The following CACNB4 variants were observed in gnomAD, a reference collection of about 807,000 sequenced individuals.
CACNB4 encodes voltage-dependent L-type calcium channel subunit beta-4.
A neutral mutation model predicts 71.2 loss-of-function variants in CACNB4; 32 were observed. The observed-to-expected ratio is 0.45, with a 90% CI of 0.34 to 0.60. The LOEUF is 0.60. Among genes scored for constraint, CACNB4 ranks in the 20% least tolerant of loss-of-function variants. CACNB4 has a pLI of 0.01. For synonymous variants in CACNB4, 231 were observed against 236.9 expected, an observed-to-expected ratio of 0.97 and a Z score of 0.23; for missense variants, 464 against 647.9, an observed-to-expected ratio of 0.72 and a Z score of 3.08.
At chr2:151,882,477 G>A (rs914429253) in intron 3 of CACNB4, among the ~76,000 whole-genome samples, 1 of 152,016 alleles carries the variant, frequency 6.6e-6, no homozygotes, top group Non-Finnish European at 1.5e-5. Context: ...AGTCTGTCAC[G>A]TAGGGCAAAG....
At chr2:152,067,330 C>T (rs1686393521) in intron 2 of CACNB4, among the ~76,000 whole-genome samples, 1 of 150,966 alleles carries the variant, frequency 6.6e-6, no homozygotes, top group South Asian at 2.1e-4. Context: ...CCAGTATTCT[C>T]AGCAGTGGTC....
At chr2:151,882,862 G>A in intron 3 of CACNB4, 1 of 278,716 alleles carries the variant, frequency 3.6e-6, no homozygotes, top group Non-Finnish European at 7.0e-6. Context: ...GAAACAAACA[G>A]GGCGATCCAC....
At position 151,848,050 on chromosome 2, in the gene CACNB4, A is replaced by G. The variant is rs191194393; in HGVS notation, c.1116+5398T>C. The stretch of plus-strand genomic sequence containing the variant: ...TGTGACACTTGATGTGAACCCAAAC[A>G]TGTTTTCCTCCCCACGCCCCTCCAT... On this transcript the variant is annotated intron_variant, in intron 12 of 13. Transcript: ENST00000539935. 3.3e-5 allele frequency among the ~76,000 whole-genome samples: 5 copies of G among 152,258 alleles called. No individual in the cohort carries two copies. In the East Asian group the frequency reaches 7.7e-4, roughly 23 times the overall value.
intron 4 of CACNB4, among the ~76,000 whole-genome samples, chr2:151,878,628 A>ATTAGCTAGTGTAGTG (rs58966024): frequency 0.92 from 138,969 of 151,596 alleles, 64,974 homozygotes; most frequent in East Asian, 1. Context: ...GTACTACACA[A>ATTAGCTAGTGTAGTG]TACTACACCA....
chr2:152,097,851 C>G (rs1688356223), intron 2 of CACNB4, among the ~76,000 whole-genome samples: 2 of 152,310 alleles, frequency 1.3e-5, no homozygotes, highest in South Asian at 4.1e-4. Flanking sequence ...TTTCTTTTGA[C>G]CGGAGCTTGA....
intron 2 of CACNB4, among the ~76,000 whole-genome samples, chr2:151,978,954 G>A (rs1242228816): frequency 6.6e-6 from 1 of 151,990 alleles, no homozygotes; most frequent in Non-Finnish European, 1.5e-5. Context: ...CCTAGTGACA[G>A]CACCCCCGCC....
intron 2 of CACNB4, among the ~76,000 whole-genome samples, chr2:152,057,135 T>G (rs977455418): frequency 6.6e-6 from 1 of 152,184 alleles, no homozygotes; most frequent in Non-Finnish European, 1.5e-5. Flanking sequence ...TGGAGGTCCA[T>G]GTATTAATAG....
chr2:152,070,338 C>A (rs187443454), intron 2 of CACNB4, among the ~76,000 whole-genome samples: 6 of 152,242 alleles, frequency 3.9e-5, no homozygotes, highest in Admixed American at 1.3e-4. Context: ...TTTAAAATAT[C>A]TTTTCATGCT....
chr2:152,053,431 C>A (rs978881280), intron 2 of CACNB4, among the ~76,000 whole-genome samples: 1 of 152,194 alleles, frequency 6.6e-6, no homozygotes, highest in Non-Finnish European at 1.5e-5. Flanking sequence ...CCCACCCATC[C>A]AACTAGCTGT....
In CACNB4 at chr2:152,038,907, G is replaced by A. The variant is rs141174048; in HGVS notation, c.147+59423C>T. Among the ~76,000 whole-genome samples the A allele has an allele frequency of 3.4e-3, 523 of 152,282 alleles. 6 individuals carry two copies. Among genetic ancestry groups the A allele is most frequent in the African/African-American group, 0.012 (506 of 41,554 alleles). On this transcript the variant is annotated intron_variant, in intron 2 of 13. Coordinates refer to ENST00000539935, the MANE Select transcript of CACNB4 (RefSeq NM_000726.5). ...GTATGTCCCCACCCCAAGAGGGTGTGACACTTCCTCATGTTCCCTGCTGGC... is the reference window on the plus strand; with the variant it reads ...GTATGTCCCCACCCCAAGAGGGTGTAACACTTCCTCATGTTCCCTGCTGGC...
chr2:151,841,021 T>A (rs1026988539), intron 13 of CACNB4, among the ~76,000 whole-genome samples: 6 of 152,186 alleles, frequency 3.9e-5, no homozygotes, highest in Non-Finnish European at 8.8e-5. Context: ...TGATCCTGTG[T>A]TCGTCACCAG....
intron 2 of CACNB4, among the ~76,000 whole-genome samples, chr2:152,022,998 G>A (rs569092626): frequency 2.0e-5 from 3 of 152,190 alleles, no homozygotes; most frequent in Admixed American, 1.3e-4. Flanking sequence ...AAAGAAAAGA[G>A]GTGTCATTGA....
chr2:151,899,580 C>T (rs537457785), intron 2 of CACNB4, among the ~76,000 whole-genome samples: 182 of 152,164 alleles, frequency 1.2e-3, no homozygotes, highest in Non-Finnish European at 1.9e-3. Context: ...TCATTTTTAC[C>T]GAGCATTTTA....
intron 2 of CACNB4, among the ~76,000 whole-genome samples, chr2:152,031,897 G>C (rs577521312): frequency 2.6e-5 from 4 of 152,322 alleles, no homozygotes; most frequent in African/African-American, 9.6e-5. Flanking sequence ...CTCTCTAAAA[G>C]GGAAGCACCG....
chr2:151,860,910 TTACATGCTACAGGGGAA>T (rs2099841474), intron 9 of CACNB4, 90 bp from the exon 10 acceptor site: 1 of 813,146 alleles, frequency 1.2e-6, no homozygotes, highest in South Asian at 1.4e-5. Flanking sequence ...AATAACCAAT[TTACATGCTACAGGGGAA>T]CCACAGTATA....
chr2:152,078,790 C>T (rs1234467903), intron 2 of CACNB4, among the ~76,000 whole-genome samples: 4 of 152,330 alleles, frequency 2.6e-5, no homozygotes, highest in Non-Finnish European at 5.9e-5. Flanking sequence ...CCACTGATCT[C>T]TTGGAATACA....
At chr2:152,056,000 CAGA>C (rs1408185089) in intron 2 of CACNB4, among the ~76,000 whole-genome samples, 1 of 152,112 alleles carries the variant, frequency 6.6e-6, no homozygotes, top group Non-Finnish European at 1.5e-5. Context: ...ACACTGAAGC[CAGA>C]AGGACCATAT....
intron 2 of CACNB4, among the ~76,000 whole-genome samples, chr2:151,921,281 T>C (rs1424200965): frequency 2.0e-5 from 3 of 151,754 alleles, no homozygotes; most frequent in African/African-American, 7.3e-5. Flanking sequence ...ATCTAAAAAA[T>C]GATGACAGCT....
intron 2 of CACNB4, among the ~76,000 whole-genome samples, chr2:151,995,773 T>C (rs973049961): frequency 2.6e-5 from 4 of 152,252 alleles, no homozygotes; most frequent in Non-Finnish European, 5.9e-5. Flanking sequence ...CAACATTGCC[T>C]GGCAGTTGGG....
Sources: allele counts gnomAD v4.1 joint callset (sites outside exome capture counted in the v4.1 genomes callset), GRCh38; gene constraint gnomAD v4.1.1; transcripts MANE v1.5; gene names NCBI Gene and HGNC (gene_info 2026-07-23, HGNC 2026-07-21).